TRAPPC9: variants seen among roughly 807,000 people sequenced by gnomAD.
TRAPPC9 encodes the protein trafficking protein particle complex subunit 9, also known as IKK2 binding protein.
TRAPPC9 carries 83 observed loss-of-function variants against 124.0 expected under a neutral mutation model. The ratio of observed to expected loss-of-function variants is 0.67; its 90% CI spans 0.56 to 0.80. The LOEUF (loss-of-function observed/expected upper bound fraction) is 0.80. Among genes scored for constraint, TRAPPC9 ranks in the 30% least tolerant of loss-of-function variants. The probability of loss-of-function intolerance (pLI) is 0.00; values close to 1 mark genes in which losing one functional copy is unlikely to be tolerated. For missense variants in TRAPPC9, 1,302 were observed against 1,508.3 expected (o/e 0.86, Z 2.27); for synonymous variants, 638 against 617.5 (o/e 1.03, Z -0.49).
At chr8:140,272,116 A>AATGGTGATAGTGATG (rs138421200) in intron 15 of TRAPPC9, among the ~76,000 whole-genome samples, 2 of 120,118 alleles carry the variant, frequency 1.7e-5, no homozygotes, top group African/African-American at 7.3e-5. Flanking sequence ...TGGTGGTGGC[A>AATGGTGATAGTGATG]ATGGTGATGG....
chr8:139,955,368 C>T (rs546408474), intron 19 of TRAPPC9, among the ~76,000 whole-genome samples: 4 of 152,190 alleles, frequency 2.6e-5, no homozygotes, highest in Admixed American at 1.3e-4. Flanking sequence ...CAGCACCAGC[C>T]GCACACACTG....
chr8:140,354,993 A>G (rs187591597), intron 9 of TRAPPC9, among the ~76,000 whole-genome samples: 7 of 152,348 alleles, frequency 4.6e-5, no homozygotes, highest in Non-Finnish European at 2.9e-5. Context: ...AGAGACTGTT[A>G]TTTGTTCAAC....
chr8:139,902,251 A>G (rs1230208033), intron 20 of TRAPPC9, among the ~76,000 whole-genome samples: 1 of 152,154 alleles, frequency 6.6e-6, no homozygotes, highest in African/African-American at 2.4e-5. Flanking sequence ...AACCCCGGCC[A>G]CTTTCAAAGT....
At position 140,451,059 on chromosome 8, in the gene TRAPPC9, G is replaced by A. The variant is rs2071440207; in HGVS notation, c.315C>T (p.Ile105=). Residue 105 remains isoleucine (I), a synonymous_variant, in exon 2 of 23, where the codon ATC becomes ATT. Coordinates refer to ENST00000438773, the MANE Select transcript of TRAPPC9 (RefSeq NM_001160372.4). The part of the protein sequence containing the change: ...TFEKFHVQKE[I]YGSTLYDSRL... ...GGGAGTCATACAGTGTGGAGCCGTAGATCTCCTTCTGCACGTGGAACTTCT... is the reference window on the plus strand; with the variant it reads ...GGGAGTCATACAGTGTGGAGCCGTAAATCTCCTTCTGCACGTGGAACTTCT... 6.2e-7 allele frequency: 1 copy of A among 1,614,074 alleles called. No individual in the cohort carries two copies. Among genetic ancestry groups the A allele is most frequent in the East Asian group, 2.2e-5 (1 of 44,878 alleles).
At chr8:139,741,162 GA>G (rs1205988038) in intron 21 of TRAPPC9, among the ~76,000 whole-genome samples, 4 of 152,070 alleles carry the variant, frequency 2.6e-5, no homozygotes, top group African/African-American at 9.7e-5. Context: ...CATTGGGCAT[GA>G]TGCTCCCCCT....
chr8:140,234,216 C>T (rs1462805126), intron 16 of TRAPPC9, among the ~76,000 whole-genome samples: 8 of 152,166 alleles, frequency 5.3e-5, no homozygotes, highest in South Asian at 2.1e-4. Context: ...CTAGGTTGCA[C>T]GCTCTTCATG....
At chr8:140,213,224 C>T (rs1244951471) in intron 17 of TRAPPC9, among the ~76,000 whole-genome samples, 1 of 151,756 alleles carries the variant, frequency 6.6e-6, no homozygotes, top group Non-Finnish European at 1.5e-5. Flanking sequence ...ATTCTGTTTC[C>T]TAAGTGGCTA....
intron 19 of TRAPPC9, among the ~76,000 whole-genome samples, chr8:139,937,940 C>T (rs1003450909): frequency 6.6e-5 from 10 of 152,282 alleles, no homozygotes; most frequent in African/African-American, 2.2e-4. Context: ...TGCACAGAGA[C>T]ACCTCCTCAG....
chr8:140,349,214 GGCA>G, intron 9 of TRAPPC9, among the ~76,000 whole-genome samples: 1 of 109,438 alleles, frequency 9.1e-6, no homozygotes, highest in Non-Finnish European at 2.1e-5. Context: ...GCGAGGGAAG[GGCA>G]CAGAAGGGGG....
intron 21 of TRAPPC9, among the ~76,000 whole-genome samples, chr8:139,854,408 A>T (rs1827677784): frequency 6.6e-6 from 1 of 152,232 alleles, no homozygotes; most frequent in Non-Finnish European, 1.5e-5. Flanking sequence ...GCCACTTGCC[A>T]GCCACGGAAG....
intron 21 of TRAPPC9, among the ~76,000 whole-genome samples, chr8:139,858,617 G>C (rs1827944614): frequency 1.3e-5 from 2 of 152,188 alleles, no homozygotes; most frequent in African/African-American, 4.8e-5. Flanking sequence ...TGGGTGGGTG[G>C]GAGATCAGTG....
intron 12 of TRAPPC9, among the ~76,000 whole-genome samples, chr8:140,289,070 G>A (rs2065571206): frequency 6.6e-6 from 1 of 152,146 alleles, no homozygotes; most frequent in Non-Finnish European, 1.5e-5. Context: ...GGAAAGCGAG[G>A]GTCCCCGTGA....
At chr8:139,889,110 G>A (rs1273762416) in intron 20 of TRAPPC9, among the ~76,000 whole-genome samples, 1 of 152,144 alleles carries the variant, frequency 6.6e-6, no homozygotes, top group Non-Finnish European at 1.5e-5. Context: ...AATGTTATTC[G>A]GCCCTTAAAG....
intron 19 of TRAPPC9, chr8:139,932,126 T>G: frequency 2.8e-6 from 1 of 359,350 alleles, no homozygotes; most frequent in Non-Finnish European, 5.5e-6. Flanking sequence ...GAGGGCGGGG[T>G]GCTGGCCCAA....
intron 17 of TRAPPC9, among the ~76,000 whole-genome samples, chr8:140,102,107 CA>C (rs1450591374): frequency 2.0e-5 from 3 of 152,188 alleles, no homozygotes; most frequent in African/African-American, 7.2e-5. Context: ...TACTAGAGTC[CA>C]AACTGTAACA....
intron 17 of TRAPPC9, among the ~76,000 whole-genome samples, chr8:140,069,321 C>A (rs1471592990): frequency 6.6e-6 from 1 of 152,062 alleles, no homozygotes; most frequent in Non-Finnish European, 1.5e-5. Flanking sequence ...CCCACCTGGG[C>A]AAATCAGCAA....
In TRAPPC9 at chr8:139,910,205, T is replaced by C; in HGVS notation, c.2906A>G (p.Glu969Gly). Residue 969 changes from glutamate (E) to glycine (G), a missense_variant, in exon 20 of 23, where the codon GAG becomes GGG. Physicochemically the swap from Glu to Gly is moderately conservative, Grantham distance 98. Transcript: ENST00000438773. Reference sequence around the variant, plus strand: ...CTCCAGGCCTCGGGCTTCCCGCCGCTCTTCCTCCAGCTGCTTGGGGTTTGC... The same window carrying C: ...CTCCAGGCCTCGGGCTTCCCGCCGCCCTTCCTCCAGCTGCTTGGGGTTTGC... ...QFANPKQLEE[E>G]RREARGLEIH... is the part of the protein sequence containing the mutation. 1 of 1,614,148 alleles carries C rather than the reference T, an allele frequency of 6.2e-7. No individual in the cohort carries two copies. The highest frequency in any genetic ancestry group is 8.5e-7 in the Non-Finnish European group (1 of 1,180,018).
At chr8:140,105,865 C>T (rs1309353577) in intron 17 of TRAPPC9, among the ~76,000 whole-genome samples, 3 of 152,130 alleles carry the variant, frequency 2.0e-5, no homozygotes, top group Admixed American at 1.3e-4. Flanking sequence ...AGAGGGCCAG[C>T]GGGCAGCACT....
intron 17 of TRAPPC9, among the ~76,000 whole-genome samples, chr8:140,160,724 A>G (rs1052234899): frequency 1.3e-5 from 2 of 152,192 alleles, no homozygotes; most frequent in Non-Finnish European, 2.9e-5. Context: ...CAGCACATCA[A>G]CATGGCACAT....
Sources: allele counts gnomAD v4.1 joint callset (sites outside exome capture counted in the v4.1 genomes callset), GRCh38; gene constraint gnomAD v4.1.1; transcripts MANE v1.5; gene names NCBI Gene and HGNC (gene_info 2026-07-23, HGNC 2026-07-21).